Variants in CYP4F22 observed in about 807,000 individuals in gnomAD.
CYP4F22 encodes the protein ultra-long-chain fatty acid omega-hydroxylase.
In CYP4F22, 37 loss-of-function variants were observed where a neutral mutation model predicts 60.4. That is an observed-to-expected ratio of 0.61 (90% CI 0.47 to 0.81). The LOEUF is 0.81. CYP4F22 is among the 30% of genes least tolerant of loss of function. The pLI, the probability that CYP4F22 is intolerant of heterozygous loss-of-function variation, is 0.00. For synonymous variants in CYP4F22, 258 were observed against 280.5 expected (o/e 0.92, Z 0.80); for missense variants, 655 against 715.0 (o/e 0.92, Z 0.96).
At chr19:15,550,640 C>A (rs1352921743) in intron 12 of CYP4F22, 34 bp from the exon 13 acceptor site, 4 of 1,604,544 alleles carry the variant, frequency 2.5e-6, no homozygotes, top group Non-Finnish European at 3.4e-6. Flanking sequence ...TCTGGGGCAG[C>A]CCCCAGACTC....
intron 1 of CYP4F22, among the ~76,000 whole-genome samples, chr19:15,512,690 A>G (rs1197838522): frequency 6.6e-6 from 1 of 151,032 alleles, no homozygotes; most frequent in East Asian, 1.9e-4. Flanking sequence ...TGATCCTCCC[A>G]TCTTGGCCTC....
At chr19:15,542,033 G>A (rs1324798930) in intron 8 of CYP4F22, among the ~76,000 whole-genome samples, 1 of 152,016 alleles carries the variant, frequency 6.6e-6, no homozygotes, top group East Asian at 1.9e-4. Flanking sequence ...CTTAGTCATT[G>A]ACTCTTCTTC....
chr19:15,540,395 GC>G, intron 7 of CYP4F22, 54 bp from the exon 8 acceptor site: 1 of 1,612,150 alleles, frequency 6.2e-7, no homozygotes, highest in Non-Finnish European at 8.5e-7. Context: ...CCAAGCCAGG[GC>G]TGTGCTATGC....
At chr19:15,541,907 T>G (rs1168474766) in intron 8 of CYP4F22, among the ~76,000 whole-genome samples, 2 of 151,982 alleles carry the variant, frequency 1.3e-5, no homozygotes, top group Non-Finnish European at 2.9e-5. Context: ...TACATGACCT[T>G]GAAGAGATGA....
chr19:15,519,141 C>T (rs144970946), intron 1 of CYP4F22, among the ~76,000 whole-genome samples: 17 of 151,888 alleles, frequency 1.1e-4, no homozygotes, highest in East Asian at 3.9e-4. Context: ...TCTGAAACCA[C>T]GGGAGGGGTG....
intron 4 of CYP4F22, among the ~76,000 whole-genome samples, chr19:15,532,499 C>T (rs1490511132): frequency 2.0e-5 from 3 of 151,904 alleles, no homozygotes; most frequent in Non-Finnish European, 2.9e-5. Flanking sequence ...CTCAGCCTCC[C>T]GAGTAGCTGA....
chr19:15,543,858 GAAAAAA>G, intron 8 of CYP4F22, 107 bp from the exon 9 acceptor site: 116 of 846,154 alleles, frequency 1.4e-4, no homozygotes, highest in East Asian at 1.8e-4. Flanking sequence ...CTCCATCTCA[GAAAAAA>G]AAAAAAAAAA....
intron 10 of CYP4F22, among the ~76,000 whole-genome samples, chr19:15,545,803 G>T (rs567122231): frequency 6.6e-6 from 1 of 152,032 alleles, no homozygotes; most frequent in African/African-American, 2.4e-5. Context: ...ATGCTCAGTG[G>T]GGTGCTACTG....
At position 15,551,467 on chromosome 19, in the gene CYP4F22, C is replaced by T. The variant is rs1161121259; in HGVS notation, c.1592C>T (p.Ala531Val). The change falls in exon 14 of 14, where the codon GCC (alanine) becomes GTC (valine). Residue 531 changes from alanine to valine, a missense_variant. Ala to Val is a moderately conservative substitution (Grantham distance 64, BLOSUM62 0). This residue lies in a region of CYP4F22 where 151 missense variants were observed against 139.4 expected (regional missense o/e 1.08). Coordinates refer to ENST00000269703, the MANE Select transcript of CYP4F22 (RefSeq NM_173483.4). ...AAGGTGGAGCCGCTGCCTCCGCGGG[C>T]CTGAGCGTGGGCGCGCCCCTGCGGC... Reference protein sequence around the residue: ...WLKVEPLPPRA With the variant: ...WLKVEPLPPRV 1 of 1,558,328 alleles carries T rather than the reference C, an allele frequency of 6.4e-7. No individual in the cohort carries two copies. The highest frequency in any genetic ancestry group is 1.9e-5 in the Admixed American group (1 of 51,976).
chr19:15,513,333 G>A (rs144078232), intron 1 of CYP4F22, among the ~76,000 whole-genome samples: 3 of 142,204 alleles, frequency 2.1e-5, no homozygotes, highest in East Asian at 4.0e-4. Flanking sequence ...ATGCTGCCAC[G>A]CCCTGCTAAT....
At chr19:15,515,377 G>C (rs1019067428) in intron 1 of CYP4F22, 5 of 1,239,306 alleles carry the variant, frequency 4.0e-6, no homozygotes, top group Non-Finnish European at 5.8e-6. Flanking sequence ...TCCATTTCCT[G>C]TTCTTGGCAT....
At chr19:15,534,354 G>A (rs1971373542) in intron 4 of CYP4F22, among the ~76,000 whole-genome samples, 1 of 152,120 alleles carries the variant, frequency 6.6e-6, no homozygotes, top group Admixed American at 6.6e-5. Context: ...CAGAACCCAA[G>A]CTCTCAAACA....
At chr19:15,538,101 C>T (rs1395692470) in intron 7 of CYP4F22, 108 bp downstream of exon 7, 3 of 1,490,956 alleles carry the variant, frequency 2.0e-6, no homozygotes, top group African/African-American at 2.8e-5. Context: ...TATGGGAGCT[C>T]TGCCACGGAT....
intron 1 of CYP4F22, among the ~76,000 whole-genome samples, chr19:15,519,192 G>A (rs1338704626): frequency 2.0e-5 from 3 of 152,060 alleles, no homozygotes; most frequent in Admixed American, 6.6e-5. Context: ...GGGGGACAAC[G>A]TGGCTCTTAG....
At chr19:15,538,913 A>G (rs1192257760) in intron 7 of CYP4F22, among the ~76,000 whole-genome samples, 1 of 152,240 alleles carries the variant, frequency 6.6e-6, no homozygotes, top group East Asian at 1.9e-4. Flanking sequence ...ACCATGAACA[A>G]GTAAACAAAC....
intron 12 of CYP4F22, 94 bp downstream of exon 12, chr19:15,549,296 G>A: frequency 8.1e-7 from 1 of 1,239,202 alleles, no homozygotes; most frequent in Non-Finnish European, 1.2e-6. Context: ...GGGCCTGAGT[G>A]CGCACACCCC....
chr19:15,547,018 G>GTGTTTTTT (rs1971533660), intron 10 of CYP4F22, among the ~76,000 whole-genome samples: 1 of 82,328 alleles, frequency 1.2e-5, no homozygotes, highest in Non-Finnish European at 2.1e-5. Context: ...GCCTGCACCA[G>GTGTTTTTT]TTTTTTTTTT....
chr19:15,526,664 T>G (rs1971286337), intron 3 of CYP4F22, among the ~76,000 whole-genome samples: 1 of 152,136 alleles, frequency 6.6e-6, no homozygotes, highest in South Asian at 2.1e-4. Context: ...CCTGTCAAGC[T>G]CTAGCCTCCT....
At chr19:15,523,311 G>A (rs1251970964) in intron 1 of CYP4F22, among the ~76,000 whole-genome samples, 4 of 152,140 alleles carry the variant, frequency 2.6e-5, no homozygotes, top group Non-Finnish European at 5.9e-5. Context: ...AGTGAGCTGA[G>A]ATCGCACCAA....
Sources: allele counts gnomAD v4.1 joint callset (sites outside exome capture counted in the v4.1 genomes callset), GRCh38; gene constraint gnomAD v4.1.1; regional missense constraint gnomAD v4.1.1; transcripts MANE v1.5; gene names NCBI Gene and HGNC (gene_info 2026-07-23, HGNC 2026-07-21).